Variants in REEP6 observed in about 807,000 individuals in gnomAD.
REEP6 encodes receptor expression-enhancing protein 6.
REEP6 carries 19 observed loss-of-function variants against 22.4 expected under a neutral mutation model. That is an observed-to-expected ratio of 0.85 (90% CI 0.59 to 1.25). The LOEUF is 1.25. REEP6 is among the 50% of genes most tolerant of loss of function. The pLI, the probability that REEP6 is intolerant of heterozygous loss-of-function variation, is 0.00. For synonymous variants in REEP6, 121 were observed against 113.6 expected, an observed-to-expected ratio of 1.06 and a Z score of -0.41; for missense variants, 273 against 251.9, an observed-to-expected ratio of 1.08 and a Z score of -0.57.
intron 4 of REEP6, chr19:1,496,755 G>A (rs2085011898): frequency 1.6e-6 from 1 of 632,746 alleles, no homozygotes; most frequent in Non-Finnish European, 3.0e-6. Context: ...TATGTTTGCT[G>A]TGTGCACATG....
In REEP6 at chr19:1,495,510, T is replaced by C; in HGVS notation, c.251T>C (p.Val84Ala). Residue 84 changes from valine to alanine, a missense_variant, in exon 3 of 5, where the codon GTG becomes GCG. By Grantham distance (64) the Val-to-Ala change is moderately conservative. Transcript: ENST00000233596. The stretch of plus-strand genomic sequence containing the variant: ...AGCCCAAGCAAGGACGACGACACTG[T>C]GTGGCTCACCTACTGGGTGGTGTAC... Reference protein sequence around the residue: ...IESPSKDDDTVWLTYWVVYAL... With the variant: ...IESPSKDDDTAWLTYWVVYAL... The C allele has an allele frequency of 6.2e-7, 1 of 1,614,078 alleles. No homozygotes were observed. Among genetic ancestry groups the C allele is most frequent in the Non-Finnish European group, 8.5e-7 (1 of 1,180,022 alleles).
chr19:1,495,440 C>A (rs888415176), intron 2 of REEP6, 29 bp from the exon 3 acceptor site: 1 of 1,613,796 alleles, frequency 6.2e-7, no homozygotes, highest in South Asian at 1.1e-5. Context: ...TCCCTGGCAG[C>A]CCCTGACCCT....
chr19:1,491,350 C>G lies in REEP6; in HGVS notation c.81C>G (p.Ala27=), dbSNP rs1355577420. The G allele has an allele frequency of 4.7e-6, 7 of 1,478,018 alleles. No individual in the cohort carries two copies. The highest frequency in any genetic ancestry group is 5.2e-5 in the Admixed American group (2 of 38,554). 91.6% of individuals were successfully genotyped at this position (1,478,018 alleles called of 1,614,324 possible). Residue 27 remains alanine, a synonymous_variant, in exon 1 of 5, where the codon GCC becomes GCG. Coordinates refer to ENST00000233596, the MANE Select transcript of REEP6 (RefSeq NM_138393.4). This position sits in a 1 kb window ranked among gnomAD's most constrained non-coding sequence, Gnocchi z 5.4. ...CCGAAGTGCTGGGGGCGCTGGAGGC[C>G]AAGACCGGGGTGGAGAAGCGGTATC... ...LVTEVLGALE[A]KTGVEKRYLA...
intron 1 of REEP6, among the ~76,000 whole-genome samples, chr19:1,492,413 C>T (rs1258190522): frequency 6.6e-6 from 1 of 152,118 alleles, no homozygotes; most frequent in East Asian, 1.9e-4. Flanking sequence ...AGGCATGAGC[C>T]ACCTTGCCTG....
chr19:1,493,593 T>G (rs2145475407), intron 1 of REEP6, among the ~76,000 whole-genome samples: 1 of 150,372 alleles, frequency 6.7e-6, no homozygotes, highest in Non-Finnish European at 1.5e-5. Context: ...ACCCCCAGTT[T>G]TGGCTGTTGA....
At chr19:1,496,976 G>A (rs575387700) in intron 4 of REEP6, among the ~76,000 whole-genome samples, 198 bp from the exon 5 acceptor site, 4 of 152,292 alleles carry the variant, frequency 2.6e-5, no homozygotes, top group East Asian at 3.9e-4. Context: ...CTGCACATGC[G>A]TGTGCTCTGT....
At chr19:1,495,090 TTGA>T (rs2084994435) in intron 1 of REEP6, among the ~76,000 whole-genome samples, 4 of 152,196 alleles carry the variant, frequency 2.6e-5, no homozygotes, top group Admixed American at 1.3e-4. Context: ...CATGGACACG[TTGA>T]CCAGTTACAG....
In REEP6 at chr19:1,496,383, G is replaced by A. The variant is rs748283291; in HGVS notation, c.447G>A (p.Gly149=). 1.7e-5 allele frequency: 27 copies of A among 1,613,218 alleles called. No individual in the cohort carries two copies. In the Admixed American group the frequency reaches 2.3e-4, roughly 14 times the overall value. Residue 149 remains glycine, a synonymous_variant, in exon 4 of 5, where the codon GGG becomes GGA. Transcript: ENST00000233596. The stretch of plus-strand genomic sequence containing the variant: ...GTCCGCTGTTCCTAAGGCACCACGG[G>A]GCCGTAGACAGAATCATGAACGACC... ...VVRPLFLRHH[G]AVDRIMNDLS... is the part of the protein sequence containing the mutation.
In REEP6 at chr19:1,491,365, G is replaced by T. The variant is rs965484445; in HGVS notation, c.96G>T (p.Glu32Asp). ...CGCTGGAGGCCAAGACCGGGGTGGA[G>T]AAGCGGTATCTGGCTGCAGGTGAGC... Reference protein sequence around the residue: ...LGALEAKTGVEKRYLAAGAVT... With the variant: ...LGALEAKTGVDKRYLAAGAVT... The change falls in exon 1 of 5, where the codon GAG (glutamate) becomes GAT (aspartate). Residue 32 changes from glutamate to aspartate, a missense_variant. Physicochemically the swap from Glu to Asp is conservative, Grantham distance 45 (BLOSUM62 2). Transcript: ENST00000233596. This position sits in a 1 kb window ranked among gnomAD's most constrained non-coding sequence, Gnocchi z 5.4. 2.0e-6 allele frequency: 3 copies of T among 1,470,328 alleles called. No individual in the cohort carries two copies. In the East Asian group the frequency reaches 9.0e-5, roughly 44 times the overall value. The allele number at this position is 1,470,328 out of a possible 1,614,324, so 91.1% of individuals were successfully genotyped here.
In REEP6 at chr19:1,495,527, G is replaced by A. The variant is rs76079175; in HGVS notation, c.268G>A (p.Val90Met). The change falls in exon 3 of 5, where the codon GTG (valine) becomes ATG (methionine). Residue 90 changes from valine (V) to methionine (M), a missense_variant. Transcript: ENST00000233596. Reference protein sequence around the residue: ...DDDTVWLTYWVVYALFGLAEF... With the variant: ...DDDTVWLTYWMVYALFGLAEF... ...CGACACTGTGTGGCTCACCTACTGG[G>A]TGGTGTACGCCCTGTTTGGGCTGGC... is the stretch of plus-strand genomic sequence containing the variant. The A allele has an allele frequency of 1.2e-6, 2 of 1,614,120 alleles. No homozygotes were observed. The highest frequency in any genetic ancestry group is 1.7e-6 in the Non-Finnish European group (2 of 1,180,022).
intron 1 of REEP6, among the ~76,000 whole-genome samples, chr19:1,493,215 GGA>G (rs1434442036): frequency 6.6e-6 from 1 of 152,126 alleles, no homozygotes; most frequent in African/African-American, 2.4e-5. Context: ...GGACGCCCTG[GGA>G]GAGTCATTCC....
intron 1 of REEP6, among the ~76,000 whole-genome samples, chr19:1,494,340 A>T (rs118054355): frequency 0.012 from 1,758 of 152,146 alleles, 54 homozygotes; most frequent in Admixed American, 0.077. Context: ...GCCCCAGGGG[A>T]CACTGGGTGA....
chr19:1,492,421 C>T (rs1186607600), intron 1 of REEP6, among the ~76,000 whole-genome samples: 2 of 152,146 alleles, frequency 1.3e-5, no homozygotes, highest in African/African-American at 2.4e-5. Flanking sequence ...GCCACCTTGC[C>T]TGGCCTAAAA....
intron 3 of REEP6, chr19:1,495,867 G>A: frequency 1.7e-6 from 1 of 590,410 alleles, no homozygotes; most frequent in Non-Finnish European, 3.0e-6. Context: ...GATGTCTGAT[G>A]GTGGAGGGCC....
rs1265817557 is a variant in REEP6 at position 1,491,556 on chromosome 19, G to T, written c.115+172G>T. ...AGCCCTTCCCTTGCCCGCGCCCTGC[G>T]ACCCTGCTCCCGGGCCACCCCTCTC... On this transcript the variant is annotated intron_variant, in intron 1 of 4. Transcript: ENST00000233596. This position sits in a 1 kb window ranked among gnomAD's most constrained non-coding sequence, Gnocchi z 5.4. Among the ~76,000 whole-genome samples, 2 of 152,092 alleles carry T rather than the reference G, an allele frequency of 1.3e-5. No homozygotes were observed. Among genetic ancestry groups the T allele is most frequent in the Non-Finnish European group, 2.9e-5 (2 of 68,000 alleles).
intron 4 of REEP6, 61 bp downstream of exon 4, chr19:1,496,514 T>C: frequency 1.9e-6 from 3 of 1,577,124 alleles, no homozygotes; most frequent in Non-Finnish European, 2.6e-6. Context: ...CCTGTCTCTC[T>C]CCACCTTGCC....
In REEP6 at chr19:1,495,333, A is replaced by G; in HGVS notation, c.155A>G (p.Tyr52Cys). Residue 52 changes from tyrosine (Y) to cysteine (C), a missense_variant, in exon 2 of 5, where the codon TAC becomes TGC. Tyr to Cys is a radical substitution (Grantham distance 194, BLOSUM62 -2). Transcript: ENST00000233596. ...TLLSLYLLFG[Y>C]GASLLCNLIG... ...CTAAGCCTGTATCTGCTGTTCGGCTACGGAGCGTCTCTGCTGTGCAATCTC... is the reference window on the plus strand; with the variant it reads ...CTAAGCCTGTATCTGCTGTTCGGCTGCGGAGCGTCTCTGCTGTGCAATCTC... The G allele has an allele frequency of 5.6e-6, 9 of 1,613,590 alleles. No homozygotes were observed. Among genetic ancestry groups the G allele is most frequent in the Non-Finnish European group, 7.6e-6 (9 of 1,179,998 alleles).
At chr19:1,492,434 T>G (rs1473435191) in intron 1 of REEP6, among the ~76,000 whole-genome samples, 1 of 151,702 alleles carries the variant, frequency 6.6e-6, no homozygotes, top group African/African-American at 2.4e-5. Context: ...GCCTAAAACT[T>G]TTTAAAATTA....
At chr19:1,494,659 A>C (rs1444013219) in intron 1 of REEP6, among the ~76,000 whole-genome samples, 1 of 151,982 alleles carries the variant, frequency 6.6e-6, no homozygotes, top group Non-Finnish European at 1.5e-5. Flanking sequence ...AGTGCCTCCC[A>C]AAGGGCCTGG....
Sources: gnomAD v4.1 joint callset for allele counts (sites outside exome capture counted in the v4.1 genomes callset) on GRCh38, gnomAD v4.1.1 for gene constraint, Gnocchi (gnomAD v3.1) non-coding constraint, MANE v1.5 for transcripts, NCBI Gene and HGNC (gene_info 2026-07-23, HGNC 2026-07-21) for gene names.